Variants in KCNH8 observed in about 807,000 individuals in gnomAD.
KCNH8 encodes voltage-gated delayed rectifier potassium channel KCNH8.
In KCNH8, 70 loss-of-function variants were observed where a neutral mutation model predicts 103.6. The observed-to-expected ratio is 0.68, with a 90% CI of 0.56 to 0.82. The LOEUF is 0.82. Among genes scored for constraint, KCNH8 ranks in the 40% least tolerant of loss-of-function variants. The pLI, the probability that KCNH8 is intolerant of heterozygous loss-of-function variation, is 0.00. For missense variants in KCNH8, 1,217 were observed against 1,329.9 expected (o/e 0.92, Z 1.32); for synonymous variants, 498 against 489.4 (o/e 1.02, Z -0.23).
At chr3:19,223,007 G>A (rs1029013852) in intron 1 of KCNH8, among the ~76,000 whole-genome samples, 1 of 152,108 alleles carries the variant, frequency 6.6e-6, no homozygotes, top group East Asian at 1.9e-4. Flanking sequence ...CAAATATTCT[G>A]TGGTGTTTTG....
At chr3:19,401,594 A>G (rs2066613556) in intron 7 of KCNH8, among the ~76,000 whole-genome samples, 1 of 152,004 alleles carries the variant, frequency 6.6e-6, no homozygotes, top group Non-Finnish European at 1.5e-5. Context: ...AAAACAGAAA[A>G]TATTTCCACG....
chr3:19,313,878 C>A (rs2065239063), intron 3 of KCNH8, among the ~76,000 whole-genome samples: 1 of 151,840 alleles, frequency 6.6e-6, no homozygotes, highest in African/African-American at 2.4e-5. Context: ...TGGGAATTTG[C>A]ATTTCAATGC....
At chr3:19,288,580 A>G (rs1441711032) in intron 3 of KCNH8, among the ~76,000 whole-genome samples, 1 of 152,108 alleles carries the variant, frequency 6.6e-6, no homozygotes, top group African/African-American at 2.4e-5. Context: ...TTATGGCTGC[A>G]AAGTATTCCA....
chr3:19,466,280 T>C (rs893500899), intron 11 of KCNH8, among the ~76,000 whole-genome samples: 1 of 152,186 alleles, frequency 6.6e-6, no homozygotes, highest in African/African-American at 2.4e-5. Flanking sequence ...AATCTACTCA[T>C]GGTGAAGATG....
chr3:19,411,388 GACAT>G (rs753252920), intron 7 of KCNH8, among the ~76,000 whole-genome samples: 4 of 151,988 alleles, frequency 2.6e-5, no homozygotes, highest in Non-Finnish European at 2.9e-5. Context: ...AGCCATCTAT[GACAT>G]ACCCCCAGCC....
chr3:19,179,264 T>C (rs1164671718), intron 1 of KCNH8, among the ~76,000 whole-genome samples: 1 of 152,084 alleles, frequency 6.6e-6, no homozygotes, highest in East Asian at 1.9e-4. Context: ...ATACCATATA[T>C]GAATTATCCA....
At chr3:19,172,321 A>C (rs1038849195) in intron 1 of KCNH8, among the ~76,000 whole-genome samples, 43 of 152,292 alleles carry the variant, frequency 2.8e-4, no homozygotes, top group African/African-American at 1.0e-3. Flanking sequence ...TCTCCATAAG[A>C]ATACATACCC....
chr3:19,293,051 G>A (rs937846913), intron 3 of KCNH8, among the ~76,000 whole-genome samples: 1 of 152,126 alleles, frequency 6.6e-6, no homozygotes, highest in African/African-American at 2.4e-5. Flanking sequence ...ATGAGATTGG[G>A]TCAGGCAATC....
At chr3:19,153,102 A>T (rs1276062251) in intron 1 of KCNH8, among the ~76,000 whole-genome samples, 1 of 152,188 alleles carries the variant, frequency 6.6e-6, no homozygotes, top group East Asian at 1.9e-4. Flanking sequence ...ACCCATTATC[A>T]TACTCTTGAC....
intron 3 of KCNH8, among the ~76,000 whole-genome samples, chr3:19,291,877 C>A (rs967041710): frequency 3.9e-5 from 6 of 152,162 alleles, no homozygotes; most frequent in African/African-American, 1.4e-4. Context: ...CATAGGGCTT[C>A]ATTCTTTGCA....
intron 11 of KCNH8, among the ~76,000 whole-genome samples, chr3:19,474,258 A>G (rs529774816): frequency 6.6e-6 from 1 of 152,148 alleles, no homozygotes; most frequent in Admixed American, 6.5e-5. Context: ...TTTTCCCACA[A>G]AATTCCCCAA....
At position 19,373,095 on chromosome 3, in the gene KCNH8, G is replaced by A. The variant is rs577810857; in HGVS notation, c.812-17386G>A. ...CTCTTTTTTGGTTGTGTCTGTGCCC[G>A]GCTTTGGTATCAGAATGATGCTGGC... is the stretch of plus-strand genomic sequence containing the variant. On this transcript the variant is annotated intron_variant, in intron 5 of 15. Coordinates refer to ENST00000328405, the MANE Select transcript of KCNH8 (RefSeq NM_144633.3). Among the ~76,000 whole-genome samples the A allele has an allele frequency of 5.2e-3, 795 of 151,970 alleles. 10 individuals carry two copies. Among genetic ancestry groups the A allele is most frequent in the African/African-American group, 0.018 (765 of 41,364 alleles).
At chr3:19,231,760 G>T (rs1334666263) in intron 1 of KCNH8, among the ~76,000 whole-genome samples, 2 of 152,086 alleles carry the variant, frequency 1.3e-5, no homozygotes, top group African/African-American at 4.8e-5. Flanking sequence ...TTGGGAAATC[G>T]AGCCTTGAAG....
At chr3:19,495,107 T>C (rs1023800686) in intron 11 of KCNH8, among the ~76,000 whole-genome samples, 10 of 152,172 alleles carry the variant, frequency 6.6e-5, no homozygotes, top group South Asian at 2.1e-4. Context: ...TAGACCTTTG[T>C]TGGATGCATA....
At chr3:19,423,880 C>A (rs527600545) in intron 7 of KCNH8, among the ~76,000 whole-genome samples, 2 of 152,226 alleles carry the variant, frequency 1.3e-5, no homozygotes, top group South Asian at 4.1e-4. Context: ...AGTGGTTTTA[C>A]TAGTTTACAT....
chr3:19,484,148 C>T (rs912165952), intron 11 of KCNH8, among the ~76,000 whole-genome samples: 3 of 152,100 alleles, frequency 2.0e-5, no homozygotes, highest in East Asian at 3.9e-4. Context: ...ATTTATGAGT[C>T]CTCACCAGTC....
intron 5 of KCNH8, among the ~76,000 whole-genome samples, chr3:19,373,402 G>A (rs1458835527): frequency 6.6e-6 from 1 of 152,102 alleles, no homozygotes; most frequent in East Asian, 1.9e-4. Context: ...TTTGCGTAGA[G>A]GTGTTTGTAG....
intron 6 of KCNH8, among the ~76,000 whole-genome samples, chr3:19,392,685 G>A (rs576504826): frequency 7.9e-5 from 12 of 152,056 alleles, no homozygotes; most frequent in African/African-American, 2.9e-4. Context: ...TTTGGCTTTG[G>A]CTCTGCTCAC....
At chr3:19,181,946 A>T (rs1261733684) in intron 1 of KCNH8, among the ~76,000 whole-genome samples, 1 of 152,216 alleles carries the variant, frequency 6.6e-6, no homozygotes, top group Admixed American at 6.5e-5. Context: ...AACAAAGTGA[A>T]TTCAGTGTTG....
Sources: gnomAD v4.1 joint callset for allele counts (sites outside exome capture counted in the v4.1 genomes callset) on GRCh38, gnomAD v4.1.1 for gene constraint, MANE v1.5 for transcripts, NCBI Gene and HGNC (gene_info 2026-07-23, HGNC 2026-07-21) for gene names.